Variants in SCG5 observed in about 807,000 individuals in gnomAD.
SCG5 encodes neuroendocrine protein 7B2.
In SCG5, 18 loss-of-function variants were observed where a neutral mutation model predicts 25.7. That is an observed-to-expected ratio of 0.70 (90% CI 0.48 to 1.04). The LOEUF (loss-of-function observed/expected upper bound fraction) is 1.04. SCG5 is among the 50% of genes least tolerant of loss of function. SCG5 has a pLI of 0.00. For synonymous variants in SCG5, 101 were observed against 91.7 expected (o/e 1.10, Z -0.58); for missense variants, 206 against 259.8 (o/e 0.79, Z 1.42).
intron 4 of SCG5, among the ~76,000 whole-genome samples, chr15:32,689,442 G>A (rs6494587): frequency 0.13 from 19,973 of 151,942 alleles, 1,797 homozygotes; most frequent in East Asian, 0.44. Context: ...CCTGGAATTA[G>A]ACTTTTCTCC....
At chr15:32,691,273 G>A (rs1203389501) in intron 4 of SCG5, among the ~76,000 whole-genome samples, 2 of 152,352 alleles carry the variant, frequency 1.3e-5, no homozygotes, top group Admixed American at 1.3e-4. Flanking sequence ...GCAGAAGTCA[G>A]AATGTCTCGT....
chr15:32,673,563 T>TGTGTGTG (rs1555435529), intron 2 of SCG5, among the ~76,000 whole-genome samples: 33 of 137,438 alleles, frequency 2.4e-4, no homozygotes, highest in South Asian at 7.2e-4. Context: ...TGTGTGTGTG[T>TGTGTGTG]TGTGCGGGGG....
chr15:32,689,734 C>T (rs1423830476), intron 4 of SCG5, among the ~76,000 whole-genome samples: 1 of 152,144 alleles, frequency 6.6e-6, no homozygotes, highest in Non-Finnish European at 1.5e-5. Context: ...GTCCCAGACA[C>T]TTTCATGCAG....
intron 2 of SCG5, among the ~76,000 whole-genome samples, chr15:32,672,137 A>G (rs1281454397): frequency 6.6e-6 from 1 of 152,258 alleles, no homozygotes; most frequent in African/African-American, 2.4e-5. Context: ...TTGTGGTAAC[A>G]TAAGTGAAAA....
At chr15:32,675,906 A>T (rs1247351947) in intron 2 of SCG5, among the ~76,000 whole-genome samples, 1 of 152,132 alleles carries the variant, frequency 6.6e-6, no homozygotes, top group East Asian at 1.9e-4. Context: ...TTTTTAGATT[A>T]TTTGTTGTTG....
intron 2 of SCG5, among the ~76,000 whole-genome samples, chr15:32,665,364 GT>G (rs796582902): frequency 1.2e-3 from 182 of 146,578 alleles, no homozygotes; most frequent in Non-Finnish European, 2.2e-3. Context: ...CTGGTTTGGG[GT>G]TTTTTTTTTT....
At chr15:32,674,966 C>T (rs548134180) in intron 2 of SCG5, among the ~76,000 whole-genome samples, 1 of 152,312 alleles carries the variant, frequency 6.6e-6, no homozygotes, top group South Asian at 2.1e-4. Flanking sequence ...TTGACAATTA[C>T]ATCTGAGTGC....
At chr15:32,687,726 C>CT (rs1192889004) in intron 4 of SCG5, among the ~76,000 whole-genome samples, 2 of 152,222 alleles carry the variant, frequency 1.3e-5, no homozygotes, top group African/African-American at 2.4e-5. Flanking sequence ...TGAGCTGCAT[C>CT]TTTAACAGTG....
intron 2 of SCG5, among the ~76,000 whole-genome samples, chr15:32,663,001 G>A (rs1392690288): frequency 1.4e-5 from 2 of 140,398 alleles, no homozygotes; most frequent in Admixed American, 1.5e-4. Context: ...GTAGAGCGGG[G>A]AAGAGAAGAT....
intron 3 of SCG5, among the ~76,000 whole-genome samples, 198 bp downstream of exon 3, chr15:32,680,113 G>A (rs144856749): frequency 3.5e-4 from 53 of 151,914 alleles, no homozygotes; most frequent in African/African-American, 1.2e-3. Flanking sequence ...ACCCACATAG[G>A]ATTTTCCCTT....
intron 2 of SCG5, among the ~76,000 whole-genome samples, chr15:32,657,902 A>G (rs1595795697): frequency 6.6e-6 from 1 of 152,224 alleles, no homozygotes; most frequent in African/African-American, 2.4e-5. Flanking sequence ...TAACCTTTCC[A>G]GTGAAGGTTA....
intron 3 of SCG5, among the ~76,000 whole-genome samples, chr15:32,680,637 A>G (rs776609398): frequency 3.2e-4 from 48 of 152,144 alleles, no homozygotes; most frequent in Non-Finnish European, 6.9e-4. Flanking sequence ...GTTGATCATG[A>G]CAGTCAACAT....
At chr15:32,656,826 C>T (rs926579465) in intron 2 of SCG5, among the ~76,000 whole-genome samples, 3 of 152,102 alleles carry the variant, frequency 2.0e-5, no homozygotes, top group East Asian at 3.9e-4. Flanking sequence ...ACCACAATTT[C>T]GCACCGCAAA....
intron 2 of SCG5, among the ~76,000 whole-genome samples, chr15:32,655,058 C>T (rs1166701831): frequency 6.6e-6 from 1 of 152,144 alleles, no homozygotes; most frequent in Non-Finnish European, 1.5e-5. Context: ...CCTGTAATCC[C>T]AGCACTTTGG....
chr15:32,663,076 T>A (rs1254737758), intron 2 of SCG5, among the ~76,000 whole-genome samples: 17 of 57,098 alleles, frequency 3.0e-4, no homozygotes, highest in Non-Finnish European at 6.1e-4. Flanking sequence ...TATATATATA[T>A]ATAATATATA....
chr15:32,686,663 C>T (rs137895682), intron 4 of SCG5, among the ~76,000 whole-genome samples: 9 of 151,450 alleles, frequency 5.9e-5, no homozygotes, highest in East Asian at 1.9e-4. Flanking sequence ...AAGAGGTGAT[C>T]GAAGCATTGC....
chr15:32,665,364 G>GTT lies in SCG5; in HGVS notation c.227-14392_227-14391dup, dbSNP rs796582902. Reference sequence around the variant, plus strand: ...CATCAGCATTAGGTTCTGGTTTGGGGTTTTTTTTTTTATTTGTTTGTTTAA... The same window carrying GTT: ...CATCAGCATTAGGTTCTGGTTTGGGGTTTTTTTTTTTTTATTTGTTTGTTTAA... On this transcript the variant is annotated intron_variant, in intron 2 of 5. Transcript: ENST00000300175. Among the ~76,000 whole-genome samples the GTT allele has an allele frequency of 4.0e-3, 581 of 146,696 alleles. 4 individuals carry two copies. The highest frequency in any genetic ancestry group is 0.014 in the African/African-American group (568 of 40,280).
rs528380599 is a variant in SCG5, at chr15:32,646,095, G to T, written c.226+2277G>T. On this transcript the variant is annotated intron_variant, in intron 2 of 5. Transcript: ENST00000300175. ...CTCCCAGAGTGCTGGGATCACAGGC[G>T]TGAGCCACCACACCCGGCCTAACAT... is the stretch of plus-strand genomic sequence containing the variant. 2.0e-3 allele frequency among the ~76,000 whole-genome samples: 304 copies of T among 149,962 alleles called. 1 individual carries two copies. Among genetic ancestry groups the T allele is most frequent in the African/African-American group, 7.1e-3 (290 of 40,938 alleles).
intron 2 of SCG5, among the ~76,000 whole-genome samples, chr15:32,676,722 A>C (rs7170561): frequency 0.38 from 58,118 of 152,090 alleles, 11,634 homozygotes; most frequent in East Asian, 0.64. Context: ...AAGATTTACC[A>C]ATTAAACACA....
Sources: allele counts gnomAD v4.1 joint callset (sites outside exome capture counted in the v4.1 genomes callset), GRCh38; gene constraint gnomAD v4.1.1; transcripts MANE v1.5; gene names NCBI Gene and HGNC (gene_info 2026-07-23, HGNC 2026-07-21).